The following FAM76A variants were observed in gnomAD, a reference collection of about 807,000 sequenced individuals.
FAM76A encodes the protein protein FAM76A.
Under a neutral mutation model 46.2 loss-of-function variants are expected in FAM76A, and 32 were observed. The ratio of observed to expected loss-of-function variants is 0.69; its 90% CI spans 0.52 to 0.93. The LOEUF is 0.93. Among genes scored for constraint, FAM76A ranks in the 40% least tolerant of loss-of-function variants. The probability of loss-of-function intolerance (pLI) is 0.00; values close to 1 mark genes in which losing one functional copy is unlikely to be tolerated. For missense variants in FAM76A, 274 were observed against 361.5 expected (o/e 0.76, Z 1.96); for synonymous variants, 137 against 127.0 (o/e 1.08, Z -0.53).
chr1:27,726,190 C>A, intron 1 of FAM76A, 29 bp downstream of exon 1: 1 of 1,265,590 alleles, frequency 7.9e-7, no homozygotes, highest in South Asian at 3.0e-5. Flanking sequence ...CGGCCGGGAA[C>A]TGGGGACGCA....
intron 6 of FAM76A, among the ~76,000 whole-genome samples, chr1:27,754,200 A>G (rs1370656005): frequency 7.1e-6 from 1 of 140,590 alleles, no homozygotes; most frequent in Non-Finnish European, 1.5e-5. Flanking sequence ...TCCGCCTCCC[A>G]GGTTCAAGCA....
At chr1:27,759,779 G>GTTTGTTTTTTTT in intron 8 of FAM76A, 152 bp downstream of exon 8, 1 of 359,616 alleles carries the variant, frequency 2.8e-6, no homozygotes, top group African/African-American at 3.5e-5. Context: ...TTTTTTTTTT[G>GTTTGTTTTTTTT]TTTTTTTTTT....
chr1:27,758,015 A>G (rs970102713), intron 7 of FAM76A, among the ~76,000 whole-genome samples: 4 of 151,648 alleles, frequency 2.6e-5, no homozygotes, highest in Admixed American at 6.6e-5. Flanking sequence ...AATTGTTACA[A>G]TCATTTCATA....
intron 4 of FAM76A, among the ~76,000 whole-genome samples, chr1:27,736,484 G>A (rs1291012662): frequency 6.6e-6 from 1 of 152,208 alleles, no homozygotes; most frequent in Non-Finnish European, 1.5e-5. Flanking sequence ...TGTTACAAAG[G>A]TCAAGATACT....
At chr1:27,737,773 A>T (rs948945187) in intron 4 of FAM76A, among the ~76,000 whole-genome samples, 14 of 147,096 alleles carry the variant, frequency 9.5e-5, no homozygotes, top group Non-Finnish European at 1.5e-4. Flanking sequence ...AATCGCTTGA[A>T]CCTGGGAGGC....
rs368609856 is a variant in FAM76A, at chr1:27,754,030, C to CCATT, written c.600-1164_600-1161dup. On this transcript the variant is annotated intron_variant, in intron 6 of 8. Transcript: ENST00000373954. ...TATGGATCCTCACTCTAAAAACCACCCATTATATGTGTAGACAAGATTGTA... is the reference window on the plus strand; with the variant it reads ...TATGGATCCTCACTCTAAAAACCACCCATTCATTATATGTGTAGACAAGATTGTA... Among the ~76,000 whole-genome samples, 393 of 152,008 alleles carry CCATT rather than the reference C, an allele frequency of 2.6e-3. 1 individual carries two copies. Among genetic ancestry groups the CCATT allele is most frequent in the African/African-American group, 9.1e-3 (379 of 41,454 alleles).
rs958672674 is a variant in FAM76A at position 27,761,906 on chromosome 1, A to C, written c.*1325A>C. ...TCGAATCCCGGGAGGCAGAGGTTGC[A>C]ATGAGCTGAAATCGCAACACTGCAC... On this transcript the variant is annotated 3_prime_UTR_variant, in exon 9 of 9. Transcript: ENST00000373954. 3 of 151,482 alleles carry C rather than the reference A, an allele frequency of 2.0e-5. No homozygotes were observed. The highest frequency in any genetic ancestry group is 2.9e-5 in the Non-Finnish European group (2 of 68,006). 9.4% of individuals were successfully genotyped at this position (151,482 alleles called of 1,614,324 possible).
chr1:27,734,343 C>T (rs970242222), intron 4 of FAM76A, among the ~76,000 whole-genome samples, 160 bp downstream of exon 4: 1 of 151,988 alleles, frequency 6.6e-6, no homozygotes, highest in African/African-American at 2.4e-5. Flanking sequence ...GTCAGGAGAT[C>T]AAGACTATCG....
intron 6 of FAM76A, among the ~76,000 whole-genome samples, chr1:27,750,659 G>A (rs1452524962): frequency 1.3e-5 from 2 of 152,206 alleles, no homozygotes; most frequent in Non-Finnish European, 2.9e-5. Context: ...TAACCAACCA[G>A]TCCTTAATGT....
In FAM76A at chr1:27,743,168, T is replaced by G. The variant is rs190922345; in HGVS notation, c.355-1486T>G. On this transcript the variant is annotated intron_variant, in intron 4 of 8. Coordinates refer to ENST00000373954, the MANE Select transcript of FAM76A (RefSeq NM_152660.3). ...TAAAAAATATCTATTTATTCATTTTTGAGAAAGGGTCTCGCTCTGTCACCA... is the reference window on the plus strand; with the variant it reads ...TAAAAAATATCTATTTATTCATTTTGGAGAAAGGGTCTCGCTCTGTCACCA... 2.0e-5 allele frequency among the ~76,000 whole-genome samples: 3 copies of G among 152,296 alleles called. No individual in the cohort carries two copies. The East Asian group carries it at 5.8e-4, about 29-fold the overall frequency.
At chr1:27,748,123 T>TG (rs957938550) in intron 5 of FAM76A, among the ~76,000 whole-genome samples, 1 of 137,162 alleles carries the variant, frequency 7.3e-6, no homozygotes, top group African/African-American at 2.9e-5. Flanking sequence ...AAAAGAAGTT[T>TG]TTTTTTTTTT....
intron 4 of FAM76A, among the ~76,000 whole-genome samples, chr1:27,742,556 T>C (rs186976913): frequency 6.3e-4 from 96 of 152,254 alleles, no homozygotes; most frequent in African/African-American, 2.2e-3. Flanking sequence ...CATACCACTT[T>C]GTGAACCATT....
At chr1:27,754,481 C>T (rs961960015) in intron 6 of FAM76A, among the ~76,000 whole-genome samples, 1 of 152,118 alleles carries the variant, frequency 6.6e-6, no homozygotes, top group Non-Finnish European at 1.5e-5. Flanking sequence ...ATAGAGTGCT[C>T]TAATGCTGTT....
At chr1:27,735,406 G>A (rs560831796) in intron 4 of FAM76A, among the ~76,000 whole-genome samples, 1 of 152,262 alleles carries the variant, frequency 6.6e-6, no homozygotes, top group Non-Finnish European at 1.5e-5. Flanking sequence ...CCAGTGGCCT[G>A]GCACATAGTA....
intron 4 of FAM76A, chr1:27,740,237 T>G (rs2088128824): frequency 1.5e-6 from 1 of 681,954 alleles, no homozygotes; most frequent in Admixed American, 1.9e-5. Flanking sequence ...TTGAGGCTAC[T>G]AAGTACTCAG....
intron 2 of FAM76A, among the ~76,000 whole-genome samples, chr1:27,728,891 G>A (rs530704377): frequency 5.1e-4 from 77 of 152,120 alleles, no homozygotes; most frequent in Non-Finnish European, 8.5e-4. Flanking sequence ...TTGAACCCAG[G>A]AGGTGGAGGT....
chr1:27,755,300 G>T lies in FAM76A; in HGVS notation c.705G>T (p.Lys235Asn). 6.2e-7 allele frequency: 1 copy of T among 1,614,134 alleles called. No individual in the cohort carries two copies. The highest frequency in any genetic ancestry group is 8.5e-7 in the Non-Finnish European group (1 of 1,180,028). The part of the protein sequence containing the change: ...VATLKKMLHQ[K>N]DQMILEKEKK... Reference sequence around the variant, plus strand: ...CCCTGAAGAAGATGTTGCATCAAAAGGATCAAATGATTTTAGAGAAAGAGA... The same window carrying T: ...CCCTGAAGAAGATGTTGCATCAAAATGATCAAATGATTTTAGAGAAAGAGA... Residue 235 changes from lysine (K) to asparagine (N), a missense_variant, in exon 7 of 9, where the codon AAG (lysine) becomes AAT (asparagine). Physicochemically the swap from Lys to Asn is moderately conservative, Grantham distance 94 (BLOSUM62 0). Coordinates refer to ENST00000373954, the MANE Select transcript of FAM76A (RefSeq NM_152660.3).
chr1:27,738,724 GA>G (rs1383041373), intron 4 of FAM76A, among the ~76,000 whole-genome samples: 1 of 152,130 alleles, frequency 6.6e-6, no homozygotes, highest in African/African-American at 2.4e-5. Context: ...AAAGGGTGAG[GA>G]GAAAAATAAA....
chr1:27,760,442 A>G, intron 8 of FAM76A, 53 bp from the exon 9 acceptor site: 2 of 1,464,180 alleles, frequency 1.4e-6, no homozygotes, highest in Non-Finnish European at 1.9e-6. Flanking sequence ...CATGAAAAAT[A>G]GCTTATATCC....
Sources: gnomAD v4.1 joint callset for allele counts (sites outside exome capture counted in the v4.1 genomes callset) on GRCh38, gnomAD v4.1.1 for gene constraint, MANE v1.5 for transcripts, NCBI Gene and HGNC (gene_info 2026-07-23, HGNC 2026-07-21) for gene names.